Variants in NLRP1 observed in about 807,000 individuals in gnomAD.
NLRP1 encodes NACHT, LRR and PYD domains-containing protein 1.
NLRP1 carries 94 observed loss-of-function variants against 136.7 expected under a neutral mutation model. The ratio of observed to expected loss-of-function variants is 0.69; its 90% confidence interval spans 0.58 to 0.82. The LOEUF is 0.82. Ranked by LOEUF, NLRP1 falls within the 40% of genes least tolerant of loss-of-function variation. The probability of loss-of-function intolerance (pLI) is 0.00; values close to 1 mark genes in which losing one functional copy is unlikely to be tolerated. For synonymous variants in NLRP1, 690 were observed against 725.1 expected (o/e 0.95, Z 0.78); for missense variants, 1,575 against 1,802.7 (o/e 0.87, Z 2.29).
Position 5,559,753 on chromosome 17 carries a change from T to G in NLRP1, c.943A>C (p.Arg315=). ...TCCAGGCCTGGGCCAAATAAGTCTC[T>G]GATCTCAATTAAATGTCCTCGATTC... ...EENRGHLIEI[R]DLFGPGLDTQ... Residue 315 remains arginine, a synonymous_variant, in exon 4 of 17, where the codon AGA becomes CGA. Coordinates refer to ENST00000572272, the MANE Select transcript of NLRP1 (RefSeq NM_033004.4). 1 of 1,614,288 alleles carries G rather than the reference T, an allele frequency of 6.2e-7. No homozygotes were observed. Among genetic ancestry groups the G allele is most frequent in the Non-Finnish European group, 8.5e-7 (1 of 1,180,052 alleles).
At chr17:5,546,836 A>G (rs1455153037) in intron 5 of NLRP1, among the ~76,000 whole-genome samples, 2 of 152,230 alleles carry the variant, frequency 1.3e-5, no homozygotes, top group Non-Finnish European at 2.9e-5. Context: ...GTAGTCTGGC[A>G]TCCAAGCGTG....
intron 3 of NLRP1, among the ~76,000 whole-genome samples, chr17:5,573,968 A>G (rs1904719320): frequency 6.6e-6 from 1 of 152,230 alleles, no homozygotes; most frequent in Non-Finnish European, 1.5e-5. Flanking sequence ...AATGACTTTG[A>G]TGAGTTGAGA....
intron 3 of NLRP1, among the ~76,000 whole-genome samples, chr17:5,563,249 C>T (rs542052663): frequency 8.5e-5 from 13 of 152,262 alleles, no homozygotes; most frequent in Non-Finnish European, 1.9e-4. Context: ...TGCACTAGTG[C>T]CTCAGCAATG....
At position 5,514,508 on chromosome 17, in the gene NLRP1, G is replaced by A; in HGVS notation, c.*246C>T. ...TGGCCACCAGATGAGGCTCTATGAG[G>A]TCTGCAGGGGTCTTGCCAGCTCCAG... On this transcript the variant is annotated 3_prime_UTR_variant, in exon 17 of 17. Transcript: ENST00000572272. The A allele has an allele frequency of 1.5e-6, 2 of 1,371,986 alleles. No homozygotes were observed. Among genetic ancestry groups the A allele is most frequent in the Non-Finnish European group, 1.9e-6 (2 of 1,060,732 alleles). The allele number at this position is 1,371,986 out of a possible 1,614,324, so 85.0% of individuals were successfully genotyped here. A position where few individuals can be genotyped will look rare whatever the true frequency, so the allele number is the denominator to read the frequency against.
chr17:5,509,265 T>C (rs2151728565), downstream of NLRP1, among the ~76,000 whole-genome samples: 1 of 152,308 alleles, frequency 6.6e-6, no homozygotes, highest in African/African-American at 2.4e-5. Context: ...TGAGTAGCAC[T>C]CAATGGGGTC....
At chr17:5,509,216 TCTC>T (rs1907501891), downstream of NLRP1, among the ~76,000 whole-genome samples, 1 of 152,124 alleles carries the variant, frequency 6.6e-6, no homozygotes, top group African/African-American at 2.4e-5. Context: ...CTTCTCCTAT[TCTC>T]CTCCTTCTCA....
intron 12 of NLRP1, 99 bp downstream of exon 12, chr17:5,530,382 G>C (rs1910088605): frequency 1.8e-6 from 2 of 1,103,246 alleles, no homozygotes; most frequent in African/African-American, 3.1e-5. Context: ...GCCCCTCTAA[G>C]GAAGCCACAA....
intron 5 of NLRP1, among the ~76,000 whole-genome samples, chr17:5,552,370 T>C (rs956615004): frequency 2.0e-5 from 3 of 152,242 alleles, no homozygotes; most frequent in African/African-American, 4.8e-5. Context: ...CTTTGTATGA[T>C]TTCAGTCCTT....
At chr17:5,579,802 A>G (rs185521704) in intron 3 of NLRP1, among the ~76,000 whole-genome samples, 192 of 152,358 alleles carry the variant, frequency 1.3e-3, no homozygotes, top group Non-Finnish European at 2.4e-3. Flanking sequence ...TAAGTGAACT[A>G]ACACAGGAAC....
intron 5 of NLRP1, among the ~76,000 whole-genome samples, chr17:5,543,889 T>C (rs1912196945): frequency 6.6e-6 from 1 of 151,976 alleles, no homozygotes; most frequent in Admixed American, 6.6e-5. Flanking sequence ...AGAGTGTCAG[T>C]TTCATTGGTG....
At position 5,501,690 on chromosome 17, in the gene NLRP1, A is replaced by C. The variant is rs200947831; in HGVS notation, c.*124T>G. On this transcript the variant is annotated 3_prime_UTR_variant, in exon 16 of 16. Coordinates refer to the NLRP1 transcript ENST00000262467. ...GAGCATCTCGCATATGATTAAGAACAAATCCTTCAAAGACCTGCCTCACCT... is the reference window on the plus strand; with the variant it reads ...GAGCATCTCGCATATGATTAAGAACCAATCCTTCAAAGACCTGCCTCACCT... 8.1e-4 allele frequency: 582 copies of C among 722,354 alleles called. 2 individuals carry two copies. Among genetic ancestry groups the C allele is most frequent in the Non-Finnish European group, 1.3e-3 (525 of 408,000 alleles). 44.7% of individuals were successfully genotyped at this position (722,354 alleles called of 1,614,324 possible).
intron 7 of NLRP1, among the ~76,000 whole-genome samples, chr17:5,538,605 G>A (rs11078566): frequency 0.017 from 2,648 of 152,124 alleles, 140 homozygotes; most frequent in South Asian, 0.16. Flanking sequence ...GCATTTACAG[G>A]TGACCAGTGT....
Position 5,523,285 on chromosome 17 carries a change from CAAAAACA to C in NLRP1, c.3521-1506_3521-1500del, listed in dbSNP as rs550799518. Among the ~76,000 whole-genome samples the C allele has an allele frequency of 1.2e-3, 188 of 151,536 alleles. No homozygotes were observed. In the South Asian group the frequency reaches 0.019, roughly 15 times the overall value. ...TGGGTGACAGAGTGAGACCCTGTCT[CAAAAACA>C]AAAAACAAAAAACAAAAAACAAAAT... On this transcript the variant is annotated intron_variant, in intron 12 of 16. Transcript: ENST00000572272.
chr17:5,517,911 G>T, intron 14 of NLRP1, 24 bp from the exon 15 acceptor site: 1 of 1,612,878 alleles, frequency 6.2e-7, no homozygotes, highest in Non-Finnish European at 8.5e-7. Context: ...GAGTTGAGTT[G>T]CCACCCTGTT....
downstream of NLRP1, chr17:5,512,108 C>T (rs1456145551): frequency 5.1e-6 from 4 of 783,338 alleles, no homozygotes; most frequent in Non-Finnish European, 7.0e-6. Context: ...ACAATGTCTT[C>T]ATAGTCTGCA....
intron 2 of NLRP1, 146 bp downstream of exon 2, chr17:5,582,524 C>A (rs778245128): frequency 1.4e-6 from 1 of 733,366 alleles, no homozygotes; most frequent in Non-Finnish European, 2.2e-6. Flanking sequence ...TCAGGCCTAC[C>A]TCTCACAGCC....
At chr17:5,516,235 A>G (rs565143082) in intron 15 of NLRP1, among the ~76,000 whole-genome samples, 136 of 152,208 alleles carry the variant, frequency 8.9e-4, no homozygotes, top group African/African-American at 3.2e-3. Context: ...GGGTCCATGT[A>G]GGTGGAGAAA....
At position 5,583,686 on chromosome 17, in the gene NLRP1, C is replaced by T; in HGVS notation, c.271+1G>A. On this transcript the variant is annotated splice_donor_variant, in intron 1 of 16. Coordinates refer to ENST00000572272, the MANE Select transcript of NLRP1 (RefSeq NM_033004.4). LOFTEE classifies it high-confidence loss of function. The surrounding 1 kb of genome is among the most constrained non-coding windows in gnomAD (Gnocchi z 4.5). ...GGCAGTGGGGTCCTCTGTCCACTCA[C>T]CTGCCCCTTCCTGGGCTTGGGCGCA... 6.4e-7 allele frequency: 1 copy of T among 1,552,686 alleles called. No homozygotes were observed.
rs547287807 is a variant in NLRP1 at position 5,582,256 on chromosome 17, C to T, written c.449-194G>A. ...AGTCATGTGAGGGAGCTGGCTTGGG[C>T]CGAGGACTAAGCCTAGCCTCTTCTT... On this transcript the variant is annotated intron_variant, in intron 2 of 16. Coordinates refer to ENST00000572272, the MANE Select transcript of NLRP1 (RefSeq NM_033004.4). 1.0e-3 allele frequency among the ~76,000 whole-genome samples: 152 copies of T among 152,176 alleles called. 1 individual carries two copies. Among genetic ancestry groups the T allele is most frequent in the Non-Finnish European group, 1.4e-3 (93 of 68,034 alleles).
Sources: gnomAD v4.1 joint callset for allele counts (sites outside exome capture counted in the v4.1 genomes callset) on GRCh38, gnomAD v4.1.1 for gene constraint, Gnocchi (gnomAD v3.1) non-coding constraint, MANE v1.5 for transcripts, NCBI Gene and HGNC (gene_info 2026-07-23, HGNC 2026-07-21) for gene names.